The following CSMD1 variants were observed in gnomAD, a reference collection of about 807,000 sequenced individuals.
CSMD1 encodes the protein CUB and sushi domain-containing protein 1.
In CSMD1, 213 loss-of-function variants were observed where a neutral mutation model predicts 417.5. The observed-to-expected ratio is 0.51, with a 90% CI of 0.46 to 0.57. The LOEUF (loss-of-function observed/expected upper bound fraction) is 0.57. Among genes scored for constraint, CSMD1 ranks in the 20% least tolerant of loss-of-function variants. The pLI is 0.00. For synonymous variants in CSMD1, 2,862 were observed against 1,736.8 expected (o/e 1.65, Z -16.11); for missense variants, 6,923 against 4,529.7 (o/e 1.53, Z -15.17).
intron 5 of CSMD1, among the ~76,000 whole-genome samples, chr8:3,950,550 T>A (rs937476839): frequency 6.6e-6 from 1 of 152,234 alleles, no homozygotes; most frequent in Non-Finnish European, 1.5e-5. Flanking sequence ...AGAGCCTCAA[T>A]ACAAGCGTTC....
intron 10 of CSMD1, among the ~76,000 whole-genome samples, chr8:3,536,495 G>GT (rs1304641056): frequency 1.3e-5 from 2 of 152,140 alleles, no homozygotes; most frequent in African/African-American, 4.8e-5. Context: ...TGGGGATTAT[G>GT]TTTTTTCCTC....
intron 26 of CSMD1, among the ~76,000 whole-genome samples, chr8:3,234,733 T>C (rs189858793): frequency 8.5e-5 from 13 of 152,272 alleles, no homozygotes; most frequent in African/African-American, 3.1e-4. Context: ...GTCTCACCCA[T>C]AAGCCACACA....
chr8:3,291,174 C>T lies in CSMD1; in HGVS notation c.3951-6828G>A, dbSNP rs183144202. Among the ~76,000 whole-genome samples, 647 of 152,248 alleles carry T rather than the reference C, an allele frequency of 4.2e-3. 4 individuals carry two copies. The highest frequency in any genetic ancestry group is 0.014 in the African/African-American group (576 of 41,540). On this transcript the variant is annotated intron_variant, in intron 25 of 69. Transcript: ENST00000635120. ...GCAGCCTTGCATCCCAGGGATGAAACCCACTTGATCATTGTGGATAAACTT... is the reference window on the plus strand; with the variant it reads ...GCAGCCTTGCATCCCAGGGATGAAATCCACTTGATCATTGTGGATAAACTT...
chr8:4,365,851 C>T (rs958612423), intron 3 of CSMD1, among the ~76,000 whole-genome samples: 2 of 152,172 alleles, frequency 1.3e-5, no homozygotes, highest in African/African-American at 4.8e-5. Context: ...AAGGAAACAT[C>T]ACTAAAAATC....
chr8:4,381,602 C>A (rs948797847), intron 3 of CSMD1, among the ~76,000 whole-genome samples: 2 of 152,082 alleles, frequency 1.3e-5, no homozygotes, highest in Non-Finnish European at 2.9e-5. Flanking sequence ...CCCCTTGGTT[C>A]CCGCCCTGAA....
rs562771836 is a variant in CSMD1, at chr8:4,239,192, T to C, written c.415+180761A>G. Among the ~76,000 whole-genome samples the C allele has an allele frequency of 2.6e-5, 4 of 152,328 alleles. No homozygotes were observed. The East Asian group carries it at 5.8e-4, about 22-fold the overall frequency. On this transcript the variant is annotated intron_variant, in intron 3 of 69. Coordinates refer to ENST00000635120, the MANE Select transcript of CSMD1 (RefSeq NM_033225.6). Reference sequence around the variant, plus strand: ...AGTTGAATGAACTATCTTCTTACATTAGAGATACAGTTGAGTCTCACGTTT... The same window carrying C: ...AGTTGAATGAACTATCTTCTTACATCAGAGATACAGTTGAGTCTCACGTTT...
chr8:4,464,662 G>A (rs80222770), intron 2 of CSMD1, among the ~76,000 whole-genome samples: 14 of 152,200 alleles, frequency 9.2e-5, no homozygotes, highest in Non-Finnish European at 1.3e-4. Context: ...GTCAGGGGCC[G>A]CCTGTAGTCA....
intron 7 of CSMD1, among the ~76,000 whole-genome samples, chr8:3,699,333 G>C (rs1800721910): frequency 6.6e-6 from 1 of 152,192 alleles, no homozygotes; most frequent in African/African-American, 2.4e-5. Context: ...TCTGAAACTA[G>C]TGTGTTTTAC....
intron 2 of CSMD1, among the ~76,000 whole-genome samples, chr8:4,440,303 G>A (rs1161831318): frequency 6.6e-6 from 1 of 152,086 alleles, no homozygotes. Context: ...CAGAAAAATG[G>A]AATCAGCTGG....
intron 1 of CSMD1, among the ~76,000 whole-genome samples, chr8:4,940,833 G>T (rs1024095958): frequency 6.6e-6 from 1 of 152,180 alleles, no homozygotes; most frequent in Non-Finnish European, 1.5e-5. Flanking sequence ...TGTACCATGT[G>T]TCAGGTAAGG....
intron 3 of CSMD1, among the ~76,000 whole-genome samples, chr8:4,272,195 A>C (rs543184875): frequency 6.6e-6 from 1 of 152,158 alleles, no homozygotes; most frequent in African/African-American, 2.4e-5. Flanking sequence ...GTATGACCTT[A>C]ATAGGTATAG....
intron 3 of CSMD1, among the ~76,000 whole-genome samples, chr8:4,204,868 C>A (rs566143658): frequency 6.6e-6 from 1 of 152,046 alleles, no homozygotes; most frequent in Non-Finnish European, 1.5e-5. Context: ...ACTATATTCC[C>A]CAGGCTGGTC....
chr8:3,915,052 C>A (rs570297863), intron 5 of CSMD1, among the ~76,000 whole-genome samples: 2 of 152,084 alleles, frequency 1.3e-5, no homozygotes, highest in East Asian at 3.9e-4. Flanking sequence ...GGGATACAGG[C>A]AGGGAATAGT....
chr8:4,820,108 C>A (rs1232423556), intron 1 of CSMD1, among the ~76,000 whole-genome samples: 1 of 152,144 alleles, frequency 6.6e-6, no homozygotes, highest in Non-Finnish European at 1.5e-5. Flanking sequence ...TAAGGCAAAT[C>A]TGAGCTGGGA....
chr8:3,819,694 C>A (rs1019463172), intron 5 of CSMD1, among the ~76,000 whole-genome samples: 2 of 152,112 alleles, frequency 1.3e-5, no homozygotes, highest in Non-Finnish European at 2.9e-5. Flanking sequence ...TTAGGTGATC[C>A]TCCAATCTCA....
chr8:3,609,952 C>A (rs923643978), intron 8 of CSMD1, among the ~76,000 whole-genome samples: 2 of 151,216 alleles, frequency 1.3e-5, no homozygotes, highest in Non-Finnish European at 2.9e-5. Context: ...CGGGCGCACA[C>A]CAACATGCCC....
At chr8:3,678,833 G>T (rs924515692) in intron 7 of CSMD1, among the ~76,000 whole-genome samples, 9 of 152,152 alleles carry the variant, frequency 5.9e-5, no homozygotes, top group African/African-American at 2.2e-4. Context: ...ACTAACAGCT[G>T]ATCTCTCAGC....
chr8:3,732,426 G>C (rs1332037374), intron 6 of CSMD1, among the ~76,000 whole-genome samples: 1 of 151,986 alleles, frequency 6.6e-6, no homozygotes, highest in Non-Finnish European at 1.5e-5. Flanking sequence ...AATGAACCAA[G>C]TCATACTGGA....
At chr8:4,367,420 G>A (rs975089769) in intron 3 of CSMD1, among the ~76,000 whole-genome samples, 3 of 152,078 alleles carry the variant, frequency 2.0e-5, no homozygotes, top group Admixed American at 1.3e-4. Flanking sequence ...TGGTCTATGT[G>A]TCTATTTCTG....
Sources: allele counts gnomAD v4.1 joint callset (sites outside exome capture counted in the v4.1 genomes callset), GRCh38; gene constraint gnomAD v4.1.1; transcripts MANE v1.5; gene names NCBI Gene and HGNC (gene_info 2026-07-23, HGNC 2026-07-21).